Variants in SLC41A2 observed in about 807,000 individuals in gnomAD.
The protein encoded by SLC41A2 is SLC41A1-like 1.
In SLC41A2, 32 loss-of-function variants were observed where a neutral mutation model predicts 58.3. That is an observed-to-expected ratio of 0.55 (90% CI 0.41 to 0.74). SLC41A2 has a LOEUF of 0.74. Ranked by LOEUF, SLC41A2 falls within the 30% of genes least tolerant of loss-of-function variation. The probability of loss-of-function intolerance (pLI) is 0.00; values close to 1 mark genes in which losing one functional copy is unlikely to be tolerated. For synonymous variants in SLC41A2, 190 were observed against 235.0 expected (o/e 0.81, Z 1.75); for missense variants, 514 against 680.6 (o/e 0.76, Z 2.72).
At position 104,866,586 on chromosome 12, in the gene SLC41A2, TTA is replaced by T. The variant is rs1491457256; in HGVS notation, c.1028-9_1028-8del. The T allele has an allele frequency of 3.9e-6, 5 of 1,283,884 alleles. No individual in the cohort carries two copies. The highest frequency in any genetic ancestry group is 5.7e-5 in the African/African-American group (2 of 35,012). The allele number at this position is 1,283,884 out of a possible 1,614,324, so 79.5% of individuals were successfully genotyped here. A position where few individuals can be genotyped will look rare whatever the true frequency, so the allele number is the denominator to read the frequency against. Reference sequence around the variant, plus strand: ...GAAATGTAGTAATAGGTCTCTAAAATTAAAAAAAAAAAAAAAAAGAGAGACAA... The same window carrying T: ...GAAATGTAGTAATAGGTCTCTAAAATAAAAAAAAAAAAAAAAGAGAGACAA... On this transcript the variant is annotated splice_polypyrimidine_tract_variant and splice_region_variant and intron_variant, in intron 6 of 10. Coordinates refer to ENST00000258538, the MANE Select transcript of SLC41A2 (RefSeq NM_001352171.3).
At chr12:104,895,842 T>C (rs1401937825) in intron 3 of SLC41A2, among the ~76,000 whole-genome samples, 1 of 152,154 alleles carries the variant, frequency 6.6e-6, no homozygotes, top group Non-Finnish European at 1.5e-5. Flanking sequence ...AATTCATTGT[T>C]TACAAATTAA....
chr12:104,807,115 G>A (rs1487635028), intron 10 of SLC41A2, among the ~76,000 whole-genome samples: 1 of 152,174 alleles, frequency 6.6e-6, no homozygotes, highest in East Asian at 1.9e-4. Context: ...ATTGCTTTTG[G>A]TGTTTTAGAC....
intron 6 of SLC41A2, among the ~76,000 whole-genome samples, chr12:104,885,312 A>G (rs2044602361): frequency 6.6e-6 from 1 of 152,222 alleles, no homozygotes; most frequent in Non-Finnish European, 1.5e-5. Context: ...AGGCAATTTT[A>G]TATGCTAAGT....
In SLC41A2 at chr12:104,805,316, C is replaced by T. The variant is rs776381462; in HGVS notation, c.1558G>A (p.Ala520Thr). ...VLQVFTLLWI[A>T]DWMVHHFWRK... ...CAGAAGTGATGGACCATCCAGTCAG[C>T]AATCCACAGCAAGGTAAATACCTAG... The change falls in exon 11 of 11, where the codon GCT becomes ACT. Residue 520 changes from alanine (A) to threonine (T), a missense_variant. Ala to Thr is a moderately conservative substitution (Grantham distance 58). Coordinates refer to ENST00000258538, the MANE Select transcript of SLC41A2 (RefSeq NM_001352171.3). 27 of 1,613,148 alleles carry T rather than the reference C, an allele frequency of 1.7e-5. No individual in the cohort carries two copies. Among genetic ancestry groups the T allele is most frequent in the Non-Finnish European group, 2.2e-5 (26 of 1,179,598 alleles).
chr12:104,813,783 G>C (rs528810261), intron 10 of SLC41A2, among the ~76,000 whole-genome samples: 5 of 151,928 alleles, frequency 3.3e-5, no homozygotes, highest in Non-Finnish European at 7.4e-5. Context: ...CTACAGGTGC[G>C]CACCACCACA....
intron 4 of SLC41A2, 88 bp downstream of exon 4, chr12:104,895,186 T>G: frequency 1.1e-6 from 1 of 882,202 alleles, no homozygotes; most frequent in Non-Finnish European, 1.9e-6. Flanking sequence ...AAGGGTAGAC[T>G]CATAGTACTA....
At chr12:104,935,539 A>G (rs2047230812) in intron 1 of SLC41A2, among the ~76,000 whole-genome samples, 1 of 152,210 alleles carries the variant, frequency 6.6e-6, no homozygotes, top group African/African-American at 2.4e-5. Flanking sequence ...GTCAATAAAA[A>G]TATCAAGCAT....
intron 8 of SLC41A2, among the ~76,000 whole-genome samples, chr12:104,846,842 G>A (rs188299788): frequency 5.5e-4 from 84 of 152,302 alleles, no homozygotes; most frequent in Non-Finnish European, 1.9e-4. Flanking sequence ...CAGTTCAACT[G>A]CTGACTAGAT....
intron 1 of SLC41A2, among the ~76,000 whole-genome samples, chr12:104,953,096 T>G (rs1022493904): frequency 6.6e-6 from 1 of 152,232 alleles, no homozygotes; most frequent in Non-Finnish European, 1.5e-5. Flanking sequence ...CCTAGCCCAG[T>G]GCCTGTCACG....
chr12:104,864,464 C>T (rs577576909), intron 7 of SLC41A2, among the ~76,000 whole-genome samples: 10 of 152,284 alleles, frequency 6.6e-5, no homozygotes, highest in Non-Finnish European at 1.3e-4. Flanking sequence ...TTATATGTAA[C>T]TTATTTTTTC....
Position 104,928,347 on chromosome 12 carries a change from CT to C in SLC41A2, c.180del (p.Ala61GlnfsTer85). On this transcript the variant is annotated frameshift_variant, in exon 2 of 11. Transcript: ENST00000258538. LOFTEE classifies it high-confidence loss of function. ...YQKNQEDRHKKANGIWQDGLS... is the reference protein window; with the variant it reads ...YQKNQEDRHKXANGIWQDGLS... ...AATCCATCTTGCCAAATGCCGTTTG[CT>C]TTTTTGTGCCTGTCTTCTTGGTTTT... 6.2e-7 allele frequency: 1 copy of C among 1,609,758 alleles called. No individual in the cohort carries two copies. The highest frequency in any genetic ancestry group is 1.3e-5 in the African/African-American group (1 of 74,860).
chr12:104,904,342 A>T (rs889129963), intron 3 of SLC41A2, among the ~76,000 whole-genome samples: 5 of 152,106 alleles, frequency 3.3e-5, no homozygotes, highest in African/African-American at 1.2e-4. Context: ...CATTCAAATA[A>T]CTTTCTTCTT....
chr12:104,857,973 A>G (rs1484355812), intron 8 of SLC41A2, among the ~76,000 whole-genome samples: 1 of 152,198 alleles, frequency 6.6e-6, no homozygotes, highest in Non-Finnish European at 1.5e-5. Flanking sequence ...CACGTTGTGC[A>G]CATGTACCCT....
intron 3 of SLC41A2, among the ~76,000 whole-genome samples, chr12:104,897,670 AT>A (rs571220494): frequency 3.3e-5 from 5 of 152,224 alleles, no homozygotes; most frequent in Non-Finnish European, 7.3e-5. Context: ...TTTATAAACA[AT>A]AACTTTTTTT....
At chr12:104,901,402 G>C (rs201789406) in intron 3 of SLC41A2, among the ~76,000 whole-genome samples, 3 of 151,728 alleles carry the variant, frequency 2.0e-5, no homozygotes, top group Admixed American at 2.0e-4. Context: ...CTATTGAAAA[G>C]ATTAAAATCC....
At chr12:104,833,783 TG>T (rs1565824847) in intron 10 of SLC41A2, among the ~76,000 whole-genome samples, 1 of 139,094 alleles carries the variant, frequency 7.2e-6, no homozygotes, top group African/African-American at 2.8e-5. Flanking sequence ...GTCAGTGTTT[TG>T]TTGTTTTTTT....
intron 2 of SLC41A2, among the ~76,000 whole-genome samples, chr12:104,921,790 A>G (rs1280147344): frequency 6.6e-6 from 1 of 152,222 alleles, no homozygotes; most frequent in Non-Finnish European, 1.5e-5. Flanking sequence ...CAAATCTATC[A>G]AAAACAATAA....
chr12:104,825,772 T>C (rs1285581711), intron 10 of SLC41A2, among the ~76,000 whole-genome samples: 1 of 152,114 alleles, frequency 6.6e-6, no homozygotes, highest in Non-Finnish European at 1.5e-5. Context: ...AGCCAGGCAA[T>C]AGGCACAATG....
chr12:104,873,378 C>T (rs188561709), intron 6 of SLC41A2, among the ~76,000 whole-genome samples: 11 of 152,134 alleles, frequency 7.2e-5, no homozygotes, highest in East Asian at 1.9e-4. Context: ...TTTTTAAGAC[C>T]GAACAATATT....
Sources: gnomAD v4.1 joint callset for allele counts (sites outside exome capture counted in the v4.1 genomes callset) on GRCh38, gnomAD v4.1.1 for gene constraint, MANE v1.5 for transcripts, NCBI Gene and HGNC (gene_info 2026-07-23, HGNC 2026-07-21) for gene names.